PTPRR: variants seen among roughly 807,000 people sequenced by gnomAD.
The protein encoded by PTPRR is protein tyrosine phosphatase receptor type R.
PTPRR carries 38 observed loss-of-function variants against 77.2 expected under a neutral mutation model. The observed-to-expected ratio is 0.49, with a 90% CI of 0.38 to 0.65. PTPRR has a LOEUF of 0.65. PTPRR is among the 30% of genes least tolerant of loss of function. The pLI is 0.00. For synonymous variants in PTPRR, 299 were observed against 283.1 expected (o/e 1.06, Z -0.57); for missense variants, 744 against 799.2 (o/e 0.93, Z 0.83).
intron 8 of PTPRR, among the ~76,000 whole-genome samples, chr12:70,694,610 C>T (rs559337713): frequency 4.1e-4 from 62 of 151,690 alleles, no homozygotes; most frequent in Middle Eastern, 3.4e-3. Context: ...TCTGGATACA[C>T]ATAGACATAA....
intron 10 of PTPRR, among the ~76,000 whole-genome samples, chr12:70,665,318 G>A (rs930188069): frequency 2.1e-5 from 3 of 145,578 alleles, no homozygotes; most frequent in Admixed American, 1.4e-4. Flanking sequence ...CTTTGTAACT[G>A]GTGGTTTACA....
At chr12:70,698,837 A>G (rs1254761195) in intron 7 of PTPRR, among the ~76,000 whole-genome samples, 1 of 152,174 alleles carries the variant, frequency 6.6e-6, no homozygotes, top group African/African-American at 2.4e-5. Context: ...TTGTTAATTC[A>G]AGTGATGACA....
At chr12:70,669,466 T>C (rs186949418) in intron 10 of PTPRR, among the ~76,000 whole-genome samples, 24 of 137,282 alleles carry the variant, frequency 1.7e-4, no homozygotes, top group East Asian at 8.9e-4. Flanking sequence ...TATATATATA[T>C]ACACACAAGC....
At chr12:70,718,205 T>C (rs763551592) in intron 6 of PTPRR, among the ~76,000 whole-genome samples, 34 of 152,256 alleles carry the variant, frequency 2.2e-4, no homozygotes, top group Non-Finnish European at 4.1e-4. Context: ...AAGTATTGTA[T>C]AGATTTAACA....
chr12:70,833,145 A>G (rs1162186688), intron 2 of PTPRR, among the ~76,000 whole-genome samples: 1 of 152,130 alleles, frequency 6.6e-6, no homozygotes, highest in Non-Finnish European at 1.5e-5. Context: ...TTTGGAGGGA[A>G]CAAATATCCT....
intron 2 of PTPRR, among the ~76,000 whole-genome samples, chr12:70,887,815 TC>T (rs1893266961): frequency 6.6e-6 from 1 of 152,018 alleles, no homozygotes; most frequent in African/African-American, 2.4e-5. Flanking sequence ...GTGCTATGCT[TC>T]CCAAACCTCT....
intron 1 of PTPRR, among the ~76,000 whole-genome samples, chr12:70,903,145 A>G (rs761213569): frequency 2.6e-5 from 4 of 151,752 alleles, no homozygotes; most frequent in Non-Finnish European, 5.9e-5. Context: ...AAGGATATAA[A>G]GTTTAAGATA....
chr12:70,641,935 C>T (rs747700924), intron 13 of PTPRR, among the ~76,000 whole-genome samples: 24 of 152,180 alleles, frequency 1.6e-4, no homozygotes, highest in Non-Finnish European at 3.2e-4. Context: ...CTTCTTTAGA[C>T]TAAACATCCT....
intron 2 of PTPRR, among the ~76,000 whole-genome samples, chr12:70,804,137 C>CTGTGTGTGTGTGTG (rs1318704522): frequency 1.3e-4 from 7 of 55,096 alleles, no homozygotes; most frequent in South Asian, 1.0e-3. Flanking sequence ...CTGTTCCTGG[C>CTGTGTGTGTGTGTG]TCTGTGTGTG....
At chr12:70,720,811 C>G (rs1889223402) in intron 6 of PTPRR, among the ~76,000 whole-genome samples, 1 of 152,108 alleles carries the variant, frequency 6.6e-6, no homozygotes, top group Admixed American at 6.6e-5. Flanking sequence ...GGTACTACCA[C>G]TAGGCCCTAG....
intron 2 of PTPRR, among the ~76,000 whole-genome samples, chr12:70,858,729 G>C (rs375622686): frequency 2.0e-5 from 3 of 151,790 alleles, no homozygotes; most frequent in Non-Finnish European, 4.4e-5. Context: ...AGATGAAGCC[G>C]AGTGTCCAAC....
chr12:70,658,433 A>G (rs939125840), intron 12 of PTPRR, among the ~76,000 whole-genome samples: 1 of 152,196 alleles, frequency 6.6e-6, no homozygotes, highest in Non-Finnish European at 1.5e-5. Context: ...GCTCTCTTTT[A>G]GCTGAAGTGT....
chr12:70,685,065 C>T (rs1270226326), intron 8 of PTPRR, among the ~76,000 whole-genome samples: 1 of 152,138 alleles, frequency 6.6e-6, no homozygotes, highest in Non-Finnish European at 1.5e-5. Flanking sequence ...CTCATTTTTG[C>T]GCCCACTCTT....
chr12:70,821,213 C>CCTTTTTTTTTTTTTTTTT (rs1892002811), intron 2 of PTPRR, among the ~76,000 whole-genome samples: 2 of 31,972 alleles, frequency 6.3e-5, no homozygotes, highest in South Asian at 2.7e-3. Flanking sequence ...GGGATCACTG[C>CCTTTTTTTTTTTTTTTTT]TTTTTTTTTT....
At chr12:70,646,342 A>G (rs911181857) in intron 13 of PTPRR, among the ~76,000 whole-genome samples, 6 of 152,228 alleles carry the variant, frequency 3.9e-5, no homozygotes, top group African/African-American at 1.4e-4. Flanking sequence ...AATTCTGACC[A>G]GGTATTTTGA....
At position 70,737,508 on chromosome 12, in the gene PTPRR, ATCT is replaced by A. The variant is rs1402717189; in HGVS notation, c.1007+8307_1007+8309del. On this transcript the variant is annotated intron_variant, in intron 6 of 13. Transcript: ENST00000283228. ...TGAATATCTATCTATCTATCTATCT[ATCT>A]ATCTATCTATCTATCTATCTATCTT... Among the ~76,000 whole-genome samples, 295 of 151,592 alleles carry A rather than the reference ATCT, an allele frequency of 1.9e-3. 2 individuals are homozygous for A. The highest frequency in any genetic ancestry group is 6.7e-3 in the African/African-American group (278 of 41,288).
At chr12:70,709,929 G>A (rs1888763301) in intron 6 of PTPRR, among the ~76,000 whole-genome samples, 1 of 152,088 alleles carries the variant, frequency 6.6e-6, no homozygotes, top group South Asian at 2.1e-4. Context: ...ATGATTTATA[G>A]ATTCAATGAT....
At chr12:70,903,715 G>A (rs999557769) in intron 1 of PTPRR, among the ~76,000 whole-genome samples, 2 of 151,756 alleles carry the variant, frequency 1.3e-5, no homozygotes, top group Non-Finnish European at 2.9e-5. Flanking sequence ...ACAATCCACA[G>A]AGAAAAAGAT....
At chr12:70,681,629 T>G (rs1462961104) in intron 10 of PTPRR, among the ~76,000 whole-genome samples, 3 of 152,200 alleles carry the variant, frequency 2.0e-5, no homozygotes, top group Non-Finnish European at 4.4e-5. Context: ...TCTCTCCTAC[T>G]GTATTCCAGT....
Sources: gnomAD v4.1 joint callset for allele counts (sites outside exome capture counted in the v4.1 genomes callset) on GRCh38, gnomAD v4.1.1 for gene constraint, MANE v1.5 for transcripts, NCBI Gene and HGNC (gene_info 2026-07-23, HGNC 2026-07-21) for gene names.